LY96: variants seen among roughly 807,000 people sequenced by gnomAD.
The protein encoded by LY96 is myeloid differentiation protein-2.
In LY96, 18 loss-of-function variants were observed where a neutral mutation model predicts 18.9. The ratio of observed to expected loss-of-function variants is 0.95; its 90% CI spans 0.66 to 1.41. The LOEUF (loss-of-function observed/expected upper bound fraction) is 1.41, where lower values mean the gene tolerates loss of function less well. Among genes scored for constraint, LY96 ranks in the 40% most tolerant of loss-of-function variants. The pLI, the probability that LY96 is intolerant of heterozygous loss-of-function variation, is 0.00. For synonymous variants in LY96, 66 were observed against 62.6 expected (o/e 1.06, Z -0.26); for missense variants, 175 against 182.4 (o/e 0.96, Z 0.23).
At chr8:74,001,581 G>A (rs1816270470) in intron 1 of LY96, among the ~76,000 whole-genome samples, 1 of 151,980 alleles carries the variant, frequency 6.6e-6, no homozygotes, top group African/African-American at 2.4e-5. Flanking sequence ...GCCACATGTG[G>A]TGACTTATGC....
chr8:74,084,584 G>A, the LY96 span, among the ~76,000 whole-genome samples: 3,819 of 152,058 alleles, frequency 0.025, 137 homozygotes, highest in African/African-American at 0.085. Context: ...TCTGTAATCC[G>A]GAATCTTGGT....
At chr8:74,040,750 T>G in the LY96 span, among the ~76,000 whole-genome samples, 2 of 146,134 alleles carry the variant, frequency 1.4e-5, no homozygotes, top group East Asian at 4.2e-4. Flanking sequence ...TCGCCTGGGC[T>G]GGAGTGCAGT....
chr8:74,082,572 A>G, the LY96 span, among the ~76,000 whole-genome samples: 1 of 152,186 alleles, frequency 6.6e-6, no homozygotes, highest in African/African-American at 2.4e-5. Context: ...GGGCGGAAAG[A>G]TTTCCTTTTC....
At chr8:74,018,308 G>A (rs1193177725) in intron 3 of LY96, among the ~76,000 whole-genome samples, 1 of 152,076 alleles carries the variant, frequency 6.6e-6, no homozygotes, top group East Asian at 1.9e-4. Flanking sequence ...AACCAACAAA[G>A]ATCAAAAGAA....
chr8:73,991,525 C>T lies in LY96; in HGVS notation c.83C>T (p.Ser28Phe). ...AQKQYWVCNSSDASISYTYCD... is the reference protein window; with the variant it reads ...AQKQYWVCNSFDASISYTYCD... Reference sequence around the variant, plus strand: ...AAGCAGTATTGGGTCTGCAACTCATCCGATGCAAGTATTTCATACACCTAC... The same window carrying T: ...AAGCAGTATTGGGTCTGCAACTCATTCGATGCAAGTATTTCATACACCTAC... The change falls in exon 1 of 5, where the codon TCC becomes TTC. Residue 28 changes from serine (S) to phenylalanine (F), a missense_variant. Coordinates refer to ENST00000284818, the MANE Select transcript of LY96 (RefSeq NM_015364.5). 1 of 1,609,730 alleles carries T rather than the reference C, an allele frequency of 6.2e-7. No individual in the cohort carries two copies. Among genetic ancestry groups the T allele is most frequent in the Non-Finnish European group, 8.5e-7 (1 of 1,176,124 alleles).
chr8:74,088,020 G>A, the LY96 span, among the ~76,000 whole-genome samples: 2 of 151,400 alleles, frequency 1.3e-5, no homozygotes, highest in Non-Finnish European at 2.9e-5. Flanking sequence ...TCTACCTGAG[G>A]CTTTTTTGCT....
At chr8:73,992,832 G>A (rs913776235) in intron 1 of LY96, among the ~76,000 whole-genome samples, 11 of 141,086 alleles carry the variant, frequency 7.8e-5, no homozygotes, top group African/African-American at 2.7e-4. Context: ...TGCTAATTAT[G>A]CCACTGTGTG....
chr8:74,020,204 T>A (rs1031921795), intron 3 of LY96, among the ~76,000 whole-genome samples: 1 of 152,226 alleles, frequency 6.6e-6, no homozygotes, highest in African/African-American at 2.4e-5. Context: ...CTTAAGCTGA[T>A]AAGCAGCTTC....
At chr8:74,004,516 G>A (rs1285309972) in intron 1 of LY96, among the ~76,000 whole-genome samples, 3 of 152,142 alleles carry the variant, frequency 2.0e-5, no homozygotes, top group African/African-American at 7.2e-5. Context: ...ATCTGGTTTT[G>A]TGTTCTCCTT....
the LY96 span, among the ~76,000 whole-genome samples, chr8:74,040,697 TG>T: frequency 1.4e-5 from 2 of 140,592 alleles, no homozygotes; most frequent in Non-Finnish European, 3.0e-5. Flanking sequence ...TCTATGTGTC[TG>T]TTTTTTTTTT....
At chr8:74,053,022 A>G in the LY96 span, among the ~76,000 whole-genome samples, 1 of 152,206 alleles carries the variant, frequency 6.6e-6, no homozygotes, top group African/African-American at 2.4e-5. Flanking sequence ...GTGGGACATT[A>G]TTGTACCTGC....
chr8:74,005,114 A>G (rs555194416), intron 2 of LY96, among the ~76,000 whole-genome samples: 1 of 152,308 alleles, frequency 6.6e-6, no homozygotes, highest in South Asian at 2.1e-4. Context: ...TAAGGCTACA[A>G]TCAAGGTGTT....
intron 3 of LY96, among the ~76,000 whole-genome samples, chr8:74,021,882 G>A (rs1457215371): frequency 2.0e-5 from 3 of 151,862 alleles, no homozygotes; most frequent in African/African-American, 7.3e-5. Flanking sequence ...GAGAACACTT[G>A]GACACAGGGC....
At chr8:74,085,087 A>G in the LY96 span, among the ~76,000 whole-genome samples, 62 of 152,388 alleles carry the variant, frequency 4.1e-4, no homozygotes, top group African/African-American at 1.3e-3. Flanking sequence ...TTGGATAAGA[A>G]TAACATTTGT....
chr8:74,037,216 G>A, the LY96 span, among the ~76,000 whole-genome samples: 1 of 152,146 alleles, frequency 6.6e-6, no homozygotes, highest in Non-Finnish European at 1.5e-5. Flanking sequence ...TTCCTTGGTT[G>A]TCTCACTAGA....
chr8:74,023,338 A>G lies in LY96; in HGVS notation c.332-3451A>G, dbSNP rs114476286. ...TGGCAGCACCACAGCCCTGTTCAGC[A>G]GCTGACTAGTTGGGCACACCATCCC... is the stretch of plus-strand genomic sequence containing the variant. On this transcript the variant is annotated intron_variant, in intron 3 of 4. Transcript: ENST00000284818. Among the ~76,000 whole-genome samples, 1,133 of 152,258 alleles carry G rather than the reference A, an allele frequency of 7.4e-3. 11 individuals carry two copies. The highest frequency in any genetic ancestry group is 0.026 in the African/African-American group (1,072 of 41,546).
Position 74,004,670 on chromosome 8 carries a change from C to T in LY96, c.113-126C>T. On this transcript the variant is annotated intron_variant, in intron 1 of 4. Transcript: ENST00000284818. ...ATTCTTCTGGGGAGATATTTTCAAT[C>T]ATCATCAATTTTTCTTATTTTATAA... 4 of 892,958 alleles carry T rather than the reference C, an allele frequency of 4.5e-6. No individual in the cohort carries two copies. In the South Asian group the frequency reaches 7.0e-5, roughly 16 times the overall value. 55.3% of individuals were successfully genotyped at this position (892,958 alleles called of 1,614,324 possible).
At chr8:74,009,613 TC>T (rs1816487923) in intron 2 of LY96, among the ~76,000 whole-genome samples, 1 of 152,170 alleles carries the variant, frequency 6.6e-6, no homozygotes, top group Non-Finnish European at 1.5e-5. Flanking sequence ...TCATCAGAAC[TC>T]CTAGAAAGTT....
Position 74,019,914 on chromosome 8 carries a change from C to T in LY96, c.332-6875C>T, listed in dbSNP as rs989898579. On this transcript the variant is annotated intron_variant, in intron 3 of 4. Coordinates refer to ENST00000284818, the MANE Select transcript of LY96 (RefSeq NM_015364.5). Reference sequence around the variant, plus strand: ...CTCAATAAACTAGCTATTGATGGAACGTATCTCAAAATAATAAGAGCTATT... The same window carrying T: ...CTCAATAAACTAGCTATTGATGGAATGTATCTCAAAATAATAAGAGCTATT... Among the ~76,000 whole-genome samples, 20 of 152,230 alleles carry T rather than the reference C, an allele frequency of 1.3e-4. No individual in the cohort carries two copies. The South Asian group carries it at 1.9e-3, about 14-fold the overall frequency.
Sources: allele counts gnomAD v4.1 joint callset (sites outside exome capture counted in the v4.1 genomes callset), GRCh38; gene constraint gnomAD v4.1.1; transcripts MANE v1.5; gene names NCBI Gene and HGNC (gene_info 2026-07-23, HGNC 2026-07-21).